The following SYNDIG1 variants were observed in gnomAD, a reference collection of about 807,000 sequenced individuals.
SYNDIG1 encodes the protein synapse differentiation-inducing gene protein 1.
Under a neutral mutation model 19.4 loss-of-function variants are expected in SYNDIG1, and 9 were observed. The observed-to-expected ratio is 0.46, with a 90% confidence interval of 0.28 to 0.81. The LOEUF is 0.81. Among genes scored for constraint, SYNDIG1 ranks in the 30% least tolerant of loss-of-function variants. The pLI is 0.12. For synonymous variants in SYNDIG1, 141 were observed against 145.9 expected, an observed-to-expected ratio of 0.97 and a Z score of 0.24; for missense variants, 311 against 343.3, an observed-to-expected ratio of 0.91 and a Z score of 0.74.
chr20:24,665,344 A>G lies in SYNDIG1; in HGVS notation c.619-2A>G. ...CTTCCTTTTTCTTCTCCAACTCTGCAGACCAACAAAGCCGTGGCCAAGGGG... is the reference window on the plus strand; with the variant it reads ...CTTCCTTTTTCTTCTCCAACTCTGCGGACCAACAAAGCCGTGGCCAAGGGG... On this transcript the variant is annotated splice_acceptor_variant, in intron 3 of 3. Coordinates refer to ENST00000376862, the MANE Select transcript of SYNDIG1 (RefSeq NM_024893.3). LOFTEE classifies it high-confidence loss of function. The G allele has an allele frequency of 6.3e-7, 1 of 1,597,242 alleles. No individual in the cohort carries two copies. The highest frequency in any genetic ancestry group is 8.5e-7 in the Non-Finnish European group (1 of 1,174,030).
chr20:24,582,285 C>G (rs1050750342), intron 2 of SYNDIG1, among the ~76,000 whole-genome samples: 1 of 124,522 alleles, frequency 8.0e-6, no homozygotes, highest in African/African-American at 3.2e-5. Context: ...CGGTCTCCCC[C>G]CTTGACGTCC....
At chr20:24,552,471 C>A (rs560711909) in intron 2 of SYNDIG1, among the ~76,000 whole-genome samples, 14 of 152,154 alleles carry the variant, frequency 9.2e-5, no homozygotes, top group Middle Eastern at 6.8e-3. Context: ...CCTCACCCCA[C>A]AACAGTCCCC....
At chr20:24,553,697 G>C (rs1213542116) in intron 2 of SYNDIG1, among the ~76,000 whole-genome samples, 5 of 152,206 alleles carry the variant, frequency 3.3e-5, no homozygotes, top group Non-Finnish European at 5.9e-5. Flanking sequence ...GGACCATGCT[G>C]TTTTGGTTAC....
chr20:24,544,949 CA>C (rs2057544209), intron 2 of SYNDIG1, among the ~76,000 whole-genome samples: 1 of 152,160 alleles, frequency 6.6e-6, no homozygotes, highest in African/African-American at 2.4e-5. Flanking sequence ...TGGCAAGGTG[CA>C]CTCTGCCTGG....
rs139752818 is a variant in SYNDIG1, at chr20:24,479,206, C to T, written c.-79+9453C>T. Among the ~76,000 whole-genome samples, 6 of 152,308 alleles carry T rather than the reference C, an allele frequency of 3.9e-5. No homozygotes were observed. In the East Asian group the frequency reaches 1.2e-3, roughly 29 times the overall value. On this transcript the variant is annotated intron_variant, in intron 1 of 3. Transcript: ENST00000376862. ...CAAATCAGAGGGTCTCTGTCTCCAC[C>T]AGAGCCTGGCCCAGCCCTGGAGAGT... is the stretch of plus-strand genomic sequence containing the variant.
At chr20:24,568,070 G>A (rs1686964749) in intron 2 of SYNDIG1, among the ~76,000 whole-genome samples, 1 of 152,202 alleles carries the variant, frequency 6.6e-6, no homozygotes, top group South Asian at 2.1e-4. Flanking sequence ...GAATCCGGGA[G>A]GCAGAGGTTG....
intron 1 of SYNDIG1, among the ~76,000 whole-genome samples, chr20:24,504,774 C>G (rs2056546394): frequency 6.6e-6 from 1 of 152,194 alleles, no homozygotes; most frequent in African/African-American, 2.4e-5. Flanking sequence ...TATGCTGGCT[C>G]TCATGAGCTA....
chr20:24,588,833 G>A (rs2058460552), intron 3 of SYNDIG1, among the ~76,000 whole-genome samples: 1 of 152,230 alleles, frequency 6.6e-6, no homozygotes, highest in African/African-American at 2.4e-5. Context: ...CTGAAATCAG[G>A]GTTCAGTGAG....
At chr20:24,593,798 A>AT (rs1315162320) in intron 3 of SYNDIG1, among the ~76,000 whole-genome samples, 3 of 151,878 alleles carry the variant, frequency 2.0e-5, no homozygotes, top group Non-Finnish European at 4.4e-5. Flanking sequence ...GATGTTGAGC[A>AT]TTTTTTCATA....
At chr20:24,636,701 C>T (rs1203356194) in intron 3 of SYNDIG1, among the ~76,000 whole-genome samples, 1 of 152,216 alleles carries the variant, frequency 6.6e-6, no homozygotes, top group Non-Finnish European at 1.5e-5. Flanking sequence ...ATTGGCACAG[C>T]TGCTGGCATT....
intron 3 of SYNDIG1, among the ~76,000 whole-genome samples, chr20:24,596,597 T>C (rs776018478): frequency 9.2e-5 from 14 of 152,164 alleles, no homozygotes; most frequent in Non-Finnish European, 1.8e-4. Context: ...TAGGCTAGCC[T>C]CGAACTCCTG....
chr20:24,489,035 T>C lies in SYNDIG1; in HGVS notation c.-79+19282T>C, dbSNP rs561774072. Reference sequence around the variant, plus strand: ...TGGTCTTGGCAAGTCTAAGCTCCTGTGGAGGCTGAGATTCCTGCAGGTGTC... The same window carrying C: ...TGGTCTTGGCAAGTCTAAGCTCCTGCGGAGGCTGAGATTCCTGCAGGTGTC... On this transcript the variant is annotated intron_variant, in intron 1 of 3. Coordinates refer to ENST00000376862, the MANE Select transcript of SYNDIG1 (RefSeq NM_024893.3). 3.2e-4 allele frequency among the ~76,000 whole-genome samples: 49 copies of C among 152,332 alleles called. 1 individual carries two copies. The Middle Eastern group carries it at 0.02, about 63-fold the overall frequency.
chr20:24,502,678 C>G (rs150805551), intron 1 of SYNDIG1, among the ~76,000 whole-genome samples: 2 of 152,342 alleles, frequency 1.3e-5, no homozygotes, highest in Admixed American at 6.5e-5. Flanking sequence ...ATGTCCCATT[C>G]AAATCTTTGT....
intron 1 of SYNDIG1, among the ~76,000 whole-genome samples, chr20:24,536,415 T>C (rs6132742): frequency 0.75 from 114,680 of 152,010 alleles, 43,766 homozygotes; most frequent in African/African-American, 0.88. Context: ...CCACTGAATA[T>C]GTCATTGCCA....
chr20:24,593,839 GA>G (rs1010108101), intron 3 of SYNDIG1, among the ~76,000 whole-genome samples: 3 of 151,634 alleles, frequency 2.0e-5, no homozygotes, highest in African/African-American at 7.3e-5. Context: ...GTCTTCTTTT[GA>G]AAAAAAATCC....
intron 3 of SYNDIG1, among the ~76,000 whole-genome samples, chr20:24,637,462 A>C (rs1470240813): frequency 6.6e-6 from 1 of 152,228 alleles, no homozygotes; most frequent in African/African-American, 2.4e-5. Flanking sequence ...CAGAGACATC[A>C]GCCCTCAGAG....
chr20:24,611,777 T>C (rs1271429301), intron 3 of SYNDIG1, among the ~76,000 whole-genome samples: 4 of 152,210 alleles, frequency 2.6e-5, no homozygotes, highest in Non-Finnish European at 4.4e-5. Flanking sequence ...TTTTAGCCCA[T>C]GGTGCTGATC....
rs772842930 is a variant in SYNDIG1 at position 24,665,475 on chromosome 20, G to A, written c.748G>A (p.Ala250Thr). ...TGTGGGCGTGGCCGTGGCCCTCATC[G>A]CCTACCTCTCCAAGAACAACCACCT... Reference protein sequence around the residue: ...VYVGVAVALIAYLSKNNHL With the variant: ...VYVGVAVALITYLSKNNHL Residue 250 changes from alanine (A) to threonine (T), a missense_variant, in exon 4 of 4, where the codon GCC becomes ACC. By Grantham distance (58) the Ala-to-Thr change is moderately conservative. Transcript: ENST00000376862. The A allele has an allele frequency of 1.4e-5, 22 of 1,613,866 alleles. No homozygotes were observed. The highest frequency in any genetic ancestry group is 8.8e-5 in the South Asian group (8 of 91,060).
At chr20:24,525,157 G>A (rs1170640925) in intron 1 of SYNDIG1, among the ~76,000 whole-genome samples, 3 of 151,906 alleles carry the variant, frequency 2.0e-5, no homozygotes, top group South Asian at 2.1e-4. Context: ...TATTAAGAAA[G>A]CATTTCTTTT....
Sources: gnomAD v4.1 joint callset for allele counts (sites outside exome capture counted in the v4.1 genomes callset) on GRCh38, gnomAD v4.1.1 for gene constraint, MANE v1.5 for transcripts, NCBI Gene and HGNC (gene_info 2026-07-23, HGNC 2026-07-21) for gene names.